The following CLIP1 variants were observed in gnomAD, a reference collection of about 807,000 sequenced individuals.
CLIP1 encodes CAP-Gly domain containing linker protein 1.
A neutral mutation model predicts 161.6 loss-of-function variants in CLIP1; 66 were observed. The observed-to-expected ratio is 0.41, with a 90% confidence interval of 0.33 to 0.50. The LOEUF (loss-of-function observed/expected upper bound fraction) is 0.50. Ranked by LOEUF, CLIP1 falls within the 20% of genes least tolerant of loss-of-function variation. The probability of loss-of-function intolerance (pLI) is 0.27; values close to 1 mark genes in which losing one functional copy is unlikely to be tolerated. For missense variants in CLIP1, 1,376 were observed against 1,702.0 expected, an observed-to-expected ratio of 0.81 and a Z score of 3.37; for synonymous variants, 598 against 626.2, an observed-to-expected ratio of 0.96 and a Z score of 0.67.
chr12:122,367,199 G>C (rs1429364545), intron 3 of CLIP1, among the ~76,000 whole-genome samples: 1 of 152,094 alleles, frequency 6.6e-6, no homozygotes, highest in East Asian at 1.9e-4. Flanking sequence ...ATTCAGATCA[G>C]CTTTGTAAAA....
At chr12:122,308,072 A>G (rs1039142638) in intron 20 of CLIP1, among the ~76,000 whole-genome samples, 1 of 152,228 alleles carries the variant, frequency 6.6e-6, no homozygotes, top group Non-Finnish European at 1.5e-5. Flanking sequence ...TGAAATCTCT[A>G]CTGCAAAAGA....
intron 3 of CLIP1, among the ~76,000 whole-genome samples, chr12:122,369,345 TA>T (rs1954318413): frequency 6.6e-6 from 1 of 151,938 alleles, no homozygotes; most frequent in South Asian, 2.1e-4. Flanking sequence ...TCAAGTAATA[TA>T]ATTACCTCCA....
At position 122,319,384 on chromosome 12, in the gene CLIP1, G is replaced by C. The variant is rs770520662; in HGVS notation, c.3250-36C>G. Reference sequence around the variant, plus strand: ...GGAAACACTGTGAGAAATGAGGACAGCCCTCGCCAACACCGTTAGGTGAGG... The same window carrying C: ...GGAAACACTGTGAGAAATGAGGACACCCCTCGCCAACACCGTTAGGTGAGG... On this transcript the variant is annotated intron_variant, in intron 17 of 25. Transcript: ENST00000620786. 9.3e-6 allele frequency: 14 copies of C among 1,504,424 alleles called. No homozygotes were observed. The South Asian group carries it at 1.1e-4, about 12-fold the overall frequency. The allele number at this position is 1,504,424 out of a possible 1,614,324, so 93.2% of individuals were successfully genotyped here. A position where few individuals can be genotyped will look rare whatever the true frequency, so the allele number is the denominator to read the frequency against.
rs926884265 is a variant in CLIP1 at position 122,411,379 on chromosome 12, G to A, written c.-107+11142C>T. On this transcript the variant is annotated intron_variant, in intron 1 of 25. Coordinates refer to ENST00000620786, the MANE Select transcript of CLIP1 (RefSeq NM_001247997.2). ...TGCAATGAGCCGAGATCACGCCATTGCACTCCAGCCTGGGAGACAAGGGCG... is the reference window on the plus strand; with the variant it reads ...TGCAATGAGCCGAGATCACGCCATTACACTCCAGCCTGGGAGACAAGGGCG... 1.1e-4 allele frequency among the ~76,000 whole-genome samples: 16 copies of A among 152,212 alleles called. 1 individual carries two copies. Among genetic ancestry groups the A allele is most frequent in the Non-Finnish European group, 7.3e-5 (5 of 68,038 alleles).
intron 12 of CLIP1, among the ~76,000 whole-genome samples, chr12:122,336,374 AT>A (rs1952216202): frequency 6.6e-6 from 1 of 151,510 alleles, no homozygotes; most frequent in Non-Finnish European, 1.5e-5. Flanking sequence ...AGTCAATAAC[AT>A]TTCAAAGCAG....
chr12:122,336,604 G>A (rs1952235044), intron 12 of CLIP1, 28 bp downstream of exon 12: 4 of 1,144,892 alleles, frequency 3.5e-6, no homozygotes, highest in East Asian at 2.4e-5. Context: ...CAGAAACCCT[G>A]AGATTCAGAT....
intron 9 of CLIP1, among the ~76,000 whole-genome samples, chr12:122,348,990 C>CA (rs142946343): frequency 0.02 from 3,057 of 152,112 alleles, 107 homozygotes; most frequent in African/African-American, 0.07. Flanking sequence ...AAAAGGTGAA[C>CA]AAAAAAATTT....
At chr12:122,335,706 C>G (rs1952184794) in intron 12 of CLIP1, among the ~76,000 whole-genome samples, 1 of 151,834 alleles carries the variant, frequency 6.6e-6, no homozygotes, top group Admixed American at 6.6e-5. Flanking sequence ...ACTCAAGAGG[C>G]TGAGGCAGGA....
At chr12:122,350,241 G>C (rs1952967402) in intron 9 of CLIP1, among the ~76,000 whole-genome samples, 1 of 152,092 alleles carries the variant, frequency 6.6e-6, no homozygotes, top group South Asian at 2.1e-4. Flanking sequence ...TCAGCTGCCA[G>C]GAGGTGGTAG....
At chr12:122,359,718 G>A (rs906473029) in intron 5 of CLIP1, among the ~76,000 whole-genome samples, 5 of 152,182 alleles carry the variant, frequency 3.3e-5, no homozygotes, top group South Asian at 2.1e-4. Context: ...ACAGCCCCAC[G>A]TGAAGATTTC....
chr12:122,301,558 C>T (rs1015315549), intron 20 of CLIP1, among the ~76,000 whole-genome samples: 2 of 152,138 alleles, frequency 1.3e-5, no homozygotes, highest in African/African-American at 4.8e-5. Context: ...CCTATATTTC[C>T]AGGTACTCAG....
intron 20 of CLIP1, among the ~76,000 whole-genome samples, chr12:122,299,612 C>CAAAAAA (rs71082962): frequency 2.9e-4 from 18 of 62,514 alleles, no homozygotes; most frequent in Admixed American, 7.3e-4. Context: ...ATAAATTCAG[C>CAAAAAA]AAAAAAAAAA....
chr12:122,419,618 C>T (rs949541887), intron 1 of CLIP1, among the ~76,000 whole-genome samples: 15 of 151,834 alleles, frequency 9.9e-5, no homozygotes, highest in Admixed American at 4.6e-4. Flanking sequence ...CACTGGCTTT[C>T]GAATCCCAGC....
chr12:122,319,469 G>A, intron 17 of CLIP1, 121 bp from the exon 18 acceptor site: 2 of 705,268 alleles, frequency 2.8e-6, no homozygotes, highest in East Asian at 2.6e-5. Context: ...GGCACACAGA[G>A]AGGGTGAATC....
At chr12:122,368,392 A>G (rs1001861583) in intron 3 of CLIP1, among the ~76,000 whole-genome samples, 1 of 152,220 alleles carries the variant, frequency 6.6e-6, no homozygotes, top group African/African-American at 2.4e-5. Flanking sequence ...TGTAAAAAAT[A>G]AAAACACTGA....
chr12:122,364,477 C>T (rs1198432555), intron 3 of CLIP1, among the ~76,000 whole-genome samples: 3 of 150,978 alleles, frequency 2.0e-5, no homozygotes, highest in Non-Finnish European at 2.9e-5. Flanking sequence ...CATCATGGCT[C>T]ACTGCAACCT....
chr12:122,317,640 C>T (rs1202304595), intron 18 of CLIP1, among the ~76,000 whole-genome samples: 1 of 152,198 alleles, frequency 6.6e-6, no homozygotes, highest in Admixed American at 6.5e-5. Flanking sequence ...CTCCTGGGGC[C>T]ATGCTGGCTT....
chr12:122,325,476 T>G (rs542494288), intron 17 of CLIP1, among the ~76,000 whole-genome samples: 245 of 151,744 alleles, frequency 1.6e-3, no homozygotes, highest in African/African-American at 4.9e-3. Context: ...AAATTTAAAT[T>G]TATTTATTTA....
At position 122,352,718 on chromosome 12, in the gene CLIP1, G is replaced by T. The variant is rs1290058540; in HGVS notation, c.1368+8C>A. The T allele has an allele frequency of 1.9e-6, 3 of 1,610,964 alleles. No homozygotes were observed. The South Asian group carries it at 3.3e-5, about 18-fold the overall frequency. ...ATAAAAGCTGTAAGAGAGCTGGAGG[G>T]GTTTTACCTCAAGATCACCTTTGGT... On this transcript the variant is annotated splice_region_variant and intron_variant, in intron 8 of 25. Transcript: ENST00000620786.
Sources: gnomAD v4.1 joint callset for allele counts (sites outside exome capture counted in the v4.1 genomes callset) on GRCh38, gnomAD v4.1.1 for gene constraint, MANE v1.5 for transcripts, NCBI Gene and HGNC (gene_info 2026-07-23, HGNC 2026-07-21) for gene names.